Variants in VPS54 observed in about 807,000 individuals in gnomAD.
VPS54 encodes the protein vacuolar protein sorting-associated protein 54.
A neutral mutation model predicts 121.5 loss-of-function variants in VPS54; 45 were observed. The ratio of observed to expected loss-of-function variants is 0.37; its 90% confidence interval spans 0.29 to 0.47. The LOEUF is 0.47. Among genes scored for constraint, VPS54 ranks in the 20% least tolerant of loss-of-function variants. VPS54 has a pLI of 0.99. For synonymous variants in VPS54, 371 were observed against 385.8 expected, an observed-to-expected ratio of 0.96 and a Z score of 0.45; for missense variants, 1,090 against 1,131.4, an observed-to-expected ratio of 0.96 and a Z score of 0.52.
chr2:63,952,985 T>G (rs568531528), intron 7 of VPS54, among the ~76,000 whole-genome samples: 39 of 152,034 alleles, frequency 2.6e-4, no homozygotes, highest in Non-Finnish European at 4.7e-4. Flanking sequence ...TCACAATGCA[T>G]TTATTTTAAA....
chr2:63,989,671 T>A (rs1253171616), intron 1 of VPS54, among the ~76,000 whole-genome samples: 1 of 152,174 alleles, frequency 6.6e-6, no homozygotes, highest in Non-Finnish European at 1.5e-5. Context: ...CCCTGACAAC[T>A]GGTGAGTAGT....
chr2:63,946,860 C>T (rs1675001888), intron 9 of VPS54, among the ~76,000 whole-genome samples: 1 of 152,024 alleles, frequency 6.6e-6, no homozygotes, highest in Non-Finnish European at 1.5e-5. Flanking sequence ...CATCAAATAA[C>T]TTAAAAATAC....
chr2:63,893,397 G>C lies in VPS54; in HGVS notation c.*33C>G. 2 of 1,551,040 alleles carry C rather than the reference G, an allele frequency of 1.3e-6. No homozygotes were observed. Among genetic ancestry groups the C allele is most frequent in the Non-Finnish European group, 1.8e-6 (2 of 1,122,806 alleles). On this transcript the variant is annotated 3_prime_UTR_variant, in exon 23 of 23. Coordinates refer to ENST00000272322, the MANE Select transcript of VPS54 (RefSeq NM_016516.3). ...TTCTTCATAACAAACACATCCCATG[G>C]TCAGATGAACTACCCAGTTTTCCAG...
intron 22 of VPS54, 74 bp downstream of exon 22, chr2:63,897,422 G>A (rs1219151704): frequency 6.6e-6 from 7 of 1,057,850 alleles, no homozygotes; most frequent in African/African-American, 3.3e-5. Flanking sequence ...AGAAAAGGAT[G>A]GCACAAATAA....
At chr2:63,902,620 C>T (rs1335930974) in intron 20 of VPS54, among the ~76,000 whole-genome samples, 1 of 151,738 alleles carries the variant, frequency 6.6e-6, no homozygotes, top group African/African-American at 2.4e-5. Flanking sequence ...AAGCAACCAA[C>T]AGAACCAGAC....
rs764515091 is a variant in VPS54 at position 64,005,089 on chromosome 2, CTTTTTTTTTTTTTTTTTTTT to C, written c.-21+13829_-21+13848del. ...TACCATGCCCAGTCTACTATTGCTT[CTTTTTTTTTTTTTTTTTTTT>C]TTTTTTTTTTTTGAGACGGAGTCCC... On this transcript the variant is annotated intron_variant, in intron 1 of 22. Coordinates refer to ENST00000272322, the MANE Select transcript of VPS54 (RefSeq NM_016516.3). 8.4e-4 allele frequency among the ~76,000 whole-genome samples: 37 copies of C among 44,134 alleles called. 2 individuals carry two copies. The Admixed American group carries it at 0.01, about 12-fold the overall frequency. The allele number at this position is 44,134 out of a possible 152,430, so 29.0% of individuals were successfully genotyped here.
chr2:63,953,882 A>C (rs931863646), intron 7 of VPS54, among the ~76,000 whole-genome samples: 11 of 152,210 alleles, frequency 7.2e-5, no homozygotes, highest in African/African-American at 2.4e-4. Flanking sequence ...GTGATTACTA[A>C]TGACACTAAC....
intron 12 of VPS54, among the ~76,000 whole-genome samples, chr2:63,926,847 C>A (rs1451684431): frequency 6.6e-6 from 1 of 152,174 alleles, no homozygotes; most frequent in Admixed American, 6.5e-5. Context: ...CCGTGCCTGG[C>A]TCGGTGGGTC....
At chr2:63,899,401 G>A (rs1469423075) in intron 21 of VPS54, 73 bp downstream of exon 21, 12 of 1,345,660 alleles carry the variant, frequency 8.9e-6, no homozygotes, top group East Asian at 2.3e-5. Context: ...CCAAAAGCAT[G>A]TAAAAACACC....
chr2:63,992,515 T>C (rs1050995995), intron 1 of VPS54, among the ~76,000 whole-genome samples: 5 of 152,264 alleles, frequency 3.3e-5, no homozygotes, highest in Non-Finnish European at 5.9e-5. Context: ...CCACGCCTCC[T>C]GATCCTATTC....
chr2:63,983,868 G>A lies in VPS54; in HGVS notation c.132C>T (p.Pro44=). 1 of 1,593,602 alleles carries A rather than the reference G, an allele frequency of 6.3e-7. No homozygotes were observed. Among genetic ancestry groups the A allele is most frequent in the Middle Eastern group, 1.7e-4 (1 of 5,972 alleles). Residue 44 remains proline, a synonymous_variant, in exon 2 of 23, where the codon CCC becomes CCT. Transcript: ENST00000272322. The part of the protein sequence containing the change: ...PSLPDVCPKE[P]TGDSHSLYVA... ...TACAAAAAAAAAAAGCATTACCTGT[G>A]GGTTCCTTGGGACACACATCTGGCA...
intron 5 of VPS54, among the ~76,000 whole-genome samples, chr2:63,968,106 TTG>T (rs199590362): frequency 0.029 from 4,478 of 152,250 alleles, 227 homozygotes; most frequent in African/African-American, 0.1. Flanking sequence ...TCTACCTTTT[TTG>T]TGTCTTTCAT....
chr2:63,906,645 T>G (rs1229768311), intron 20 of VPS54, among the ~76,000 whole-genome samples: 1 of 152,170 alleles, frequency 6.6e-6, no homozygotes, highest in Non-Finnish European at 1.5e-5. Flanking sequence ...AAGTTACCAG[T>G]GTGCTGTTAC....
At chr2:63,922,523 C>T (rs892408329) in intron 12 of VPS54, among the ~76,000 whole-genome samples, 7 of 152,126 alleles carry the variant, frequency 4.6e-5, no homozygotes, top group Admixed American at 3.3e-4. Context: ...TTAAAGTACT[C>T]GCAGAAACAT....
At chr2:63,961,946 GA>G in intron 7 of VPS54, 111 bp downstream of exon 7, 1 of 1,169,434 alleles carries the variant, frequency 8.6e-7, no homozygotes, top group Non-Finnish European at 1.2e-6. Flanking sequence ...CAATCTGGAA[GA>G]AAAAATATCC....
chr2:63,946,560 A>C (rs1342776483), intron 9 of VPS54, among the ~76,000 whole-genome samples: 1 of 152,118 alleles, frequency 6.6e-6, no homozygotes, highest in Non-Finnish European at 1.5e-5. Context: ...TTTTAAACTT[A>C]AACTTTAAAA....
intron 5 of VPS54, 93 bp downstream of exon 5, chr2:63,968,863 CA>C (rs34977697): frequency 0.13 from 113,755 of 871,602 alleles, no homozygotes; most frequent in East Asian, 0.24. Flanking sequence ...GCCAAAGGGT[CA>C]AAAAAAAAAA....
intron 1 of VPS54, among the ~76,000 whole-genome samples, chr2:64,003,354 C>T (rs753624583): frequency 6.6e-6 from 1 of 152,140 alleles, no homozygotes; most frequent in Non-Finnish European, 1.5e-5. Flanking sequence ...TGGTAATCTC[C>T]TTATAATTGT....
intron 1 of VPS54, among the ~76,000 whole-genome samples, chr2:64,009,645 T>TTTTC (rs1199152890): frequency 1.3e-5 from 2 of 151,926 alleles, no homozygotes; most frequent in Admixed American, 1.3e-4. Flanking sequence ...TTTACTGCAT[T>TTTTC]TTTCTTACCA....
Sources: allele counts gnomAD v4.1 joint callset (sites outside exome capture counted in the v4.1 genomes callset), GRCh38; gene constraint gnomAD v4.1.1; transcripts MANE v1.5; gene names NCBI Gene and HGNC (gene_info 2026-07-23, HGNC 2026-07-21).